Variants in BNC2 observed in about 807,000 individuals in gnomAD.
BNC2 encodes the protein zinc finger protein basonuclin-2.
In BNC2, 20 loss-of-function variants were observed where a neutral mutation model predicts 76.3. That is an observed-to-expected ratio of 0.26 (90% CI 0.18 to 0.38). The LOEUF (loss-of-function observed/expected upper bound fraction) is 0.38. BNC2 is among the 10% of genes least tolerant of loss of function. The probability of loss-of-function intolerance (pLI) is 1.00; values close to 1 mark genes in which losing one functional copy is unlikely to be tolerated. For synonymous variants in BNC2, 582 were observed against 514.8 expected, an observed-to-expected ratio of 1.13 and a Z score of -1.77; for missense variants, 1,382 against 1,399.8, an observed-to-expected ratio of 0.99 and a Z score of 0.20.
chr9:16,544,853 C>T (rs960841094), intron 5 of BNC2, among the ~76,000 whole-genome samples: 9 of 150,804 alleles, frequency 6.0e-5, no homozygotes, highest in Admixed American at 2.6e-4. Context: ...AAAAAATGCA[C>T]ACATGAAAAT....
At chr9:16,465,665 T>C (rs923374099) in intron 5 of BNC2, among the ~76,000 whole-genome samples, 3 of 152,064 alleles carry the variant, frequency 2.0e-5, no homozygotes, top group Non-Finnish European at 4.4e-5. Flanking sequence ...ACATGAATAT[T>C]ATAAGACAAA....
rs138955434 is a variant in BNC2 at position 16,802,148 on chromosome 9, G to A, written c.4-63663C>T. Reference sequence around the variant, plus strand: ...CTTAGCCAAACATGCTCAAGGATACGCGGCATTGGGGCCAGTTAAGAGTGC... The same window carrying A: ...CTTAGCCAAACATGCTCAAGGATACACGGCATTGGGGCCAGTTAAGAGTGC... On this transcript the variant is annotated intron_variant, in intron 1 of 6. Coordinates refer to ENST00000380672, the MANE Select transcript of BNC2 (RefSeq NM_017637.6). 2.5e-3 allele frequency among the ~76,000 whole-genome samples: 374 copies of A among 152,256 alleles called. 6 individuals are homozygous for A. Among genetic ancestry groups the A allele is most frequent in the African/African-American group, 7.7e-3 (318 of 41,548 alleles).
At chr9:16,549,759 T>A (rs923182073) in intron 5 of BNC2, among the ~76,000 whole-genome samples, 1 of 151,940 alleles carries the variant, frequency 6.6e-6, no homozygotes, top group African/African-American at 2.4e-5. Context: ...GACCATTTGC[T>A]TTTTTTTCCA....
intron 1 of BNC2, among the ~76,000 whole-genome samples, chr9:16,869,748 AAAG>A (rs1421357764): frequency 6.6e-5 from 10 of 152,310 alleles, no homozygotes; most frequent in Non-Finnish European, 1.0e-4. Context: ...TCCTCGCTGC[AAAG>A]AAGTCGCTTC....
chr9:16,636,632 T>A (rs1283777504), intron 3 of BNC2, among the ~76,000 whole-genome samples: 1 of 152,132 alleles, frequency 6.6e-6, no homozygotes, highest in Non-Finnish European at 1.5e-5. Flanking sequence ...TGCCTACATA[T>A]CTATATGCCA....
chr9:16,489,155 A>C (rs1175962642), intron 5 of BNC2, among the ~76,000 whole-genome samples: 1 of 152,206 alleles, frequency 6.6e-6, no homozygotes, highest in East Asian at 1.9e-4. Flanking sequence ...ACAATCCAAA[A>C]TATTGTCAGT....
At position 16,663,295 on chromosome 9, in the gene BNC2, G is replaced by C. The variant is rs142987120; in HGVS notation, c.330+64502C>G. Among the ~76,000 whole-genome samples the C allele has an allele frequency of 3.1e-3, 467 of 151,398 alleles. 2 individuals carry two copies. Among genetic ancestry groups the C allele is most frequent in the Middle Eastern group, 0.017 (5 of 294 alleles). ...TTACAGGCGCCCGCCACCGTCCCTG[G>C]CTAATTTTTGTATTTTTAGTAGAGA... On this transcript the variant is annotated intron_variant, in intron 3 of 6. Transcript: ENST00000380672.
intron 5 of BNC2, among the ~76,000 whole-genome samples, chr9:16,497,575 G>A (rs1367305810): frequency 6.6e-6 from 1 of 152,136 alleles, no homozygotes; most frequent in Non-Finnish European, 1.5e-5. Flanking sequence ...CTAAAAGTTT[G>A]GTGGGGGAGA....
intron 4 of BNC2, chr9:16,575,484 G>A: frequency 2.1e-6 from 2 of 975,222 alleles, no homozygotes; most frequent in South Asian, 9.5e-5. Flanking sequence ...TGTTTGCGCT[G>A]GGTTTAAAGA....
chr9:16,527,485 A>G (rs1466695957), intron 5 of BNC2, among the ~76,000 whole-genome samples: 2 of 152,176 alleles, frequency 1.3e-5, no homozygotes, highest in African/African-American at 2.4e-5. Flanking sequence ...CGAAGTGTTC[A>G]GCTGCCTGCT....
At chr9:16,787,942 C>T (rs1826342766) in intron 1 of BNC2, among the ~76,000 whole-genome samples, 1 of 152,160 alleles carries the variant, frequency 6.6e-6, no homozygotes, top group African/African-American at 2.4e-5. Flanking sequence ...AATCATAGCA[C>T]ACAAGATGAG....
chr9:16,516,555 CAA>C (rs772720869), intron 5 of BNC2, among the ~76,000 whole-genome samples: 94 of 152,220 alleles, frequency 6.2e-4, no homozygotes, highest in African/African-American at 2.2e-3. Flanking sequence ...GGTGAGAACT[CAA>C]AGAGTCTTTA....
intron 5 of BNC2, among the ~76,000 whole-genome samples, chr9:16,488,164 A>C (rs1457801375): frequency 2.0e-5 from 3 of 152,218 alleles, no homozygotes; most frequent in Admixed American, 2.0e-4. Flanking sequence ...GAGATTAGCC[A>C]AAAACCTTAA....
chr9:16,499,219 G>T (rs1301636253), intron 5 of BNC2, among the ~76,000 whole-genome samples: 1 of 152,074 alleles, frequency 6.6e-6, no homozygotes, highest in South Asian at 2.1e-4. Flanking sequence ...CTTCCAAGGT[G>T]GGTATTACTA....
intron 5 of BNC2, among the ~76,000 whole-genome samples, chr9:16,511,787 T>C (rs1376954766): frequency 1.3e-5 from 2 of 152,096 alleles, no homozygotes; most frequent in African/African-American, 2.4e-5. Flanking sequence ...CTTTTGCCGA[T>C]AAAGTAAGCA....
chr9:16,608,650 T>G (rs992526258), intron 3 of BNC2, among the ~76,000 whole-genome samples: 2 of 152,076 alleles, frequency 1.3e-5, no homozygotes, highest in Non-Finnish European at 2.9e-5. Context: ...GGACCACAGG[T>G]GCACACTGTA....
chr9:16,554,492 C>T (rs1818761031), intron 4 of BNC2, among the ~76,000 whole-genome samples: 1 of 152,142 alleles, frequency 6.6e-6, no homozygotes, highest in Non-Finnish European at 1.5e-5. Context: ...GCTGATTTGT[C>T]TGATCTTCCC....
At position 16,795,258 on chromosome 9, in the gene BNC2, C is replaced by G. The variant is rs1339081608; in HGVS notation, c.4-56773G>C. Among the ~76,000 whole-genome samples, 4 of 152,046 alleles carry G rather than the reference C, an allele frequency of 2.6e-5. No homozygotes were observed. In the East Asian group the frequency reaches 7.7e-4, roughly 29 times the overall value. On this transcript the variant is annotated intron_variant, in intron 1 of 6. Coordinates refer to ENST00000380672, the MANE Select transcript of BNC2 (RefSeq NM_017637.6). ...GCAAAGGAAGTAGGAAGGTTCAACA[C>G]AAGATAGTAAGGCGAACTCCACATG... is the stretch of plus-strand genomic sequence containing the variant.
Position 16,432,781 on chromosome 9 carries a change from T to C in BNC2, c.2639+2774A>G, listed in dbSNP as rs150567832. 2.4e-4 allele frequency among the ~76,000 whole-genome samples: 37 copies of C among 152,240 alleles called. No homozygotes were observed. In the East Asian group the frequency reaches 6.9e-3, roughly 29 times the overall value. ...ATTAAAGACAAAGGAGGGTTTCTGT[T>C]TGAGAAGGTCTGTTGGCTCAAGAAA... On this transcript the variant is annotated intron_variant, in intron 6 of 6. Coordinates refer to ENST00000380672, the MANE Select transcript of BNC2 (RefSeq NM_017637.6).
Sources: allele counts gnomAD v4.1 joint callset (sites outside exome capture counted in the v4.1 genomes callset), GRCh38; gene constraint gnomAD v4.1.1; transcripts MANE v1.5; gene names NCBI Gene and HGNC (gene_info 2026-07-23, HGNC 2026-07-21).